The following PCDH11X variants were observed in gnomAD, a reference collection of about 807,000 sequenced individuals.
The protein encoded by PCDH11X is protocadherin 11 X-linked.
Under a neutral mutation model 53.3 loss-of-function variants are expected in PCDH11X, and 18 were observed. That is an observed-to-expected ratio of 0.34 (90% CI 0.23 to 0.50). The LOEUF is 0.50. PCDH11X is among the 20% of genes least tolerant of loss of function. The pLI is 0.98. For missense variants in PCDH11X, 570 were observed against 1,032.4 expected, an observed-to-expected ratio of 0.55 and a Z score of 6.14; for synonymous variants, 279 against 393.3, an observed-to-expected ratio of 0.71 and a Z score of 3.44.
intron 6 of PCDH11X, among the ~76,000 whole-genome samples, chrX:92,193,000 A>G (rs1234726904): frequency 8.9e-6 from 1 of 111,915 alleles, no homozygotes; most frequent in Non-Finnish European, 1.9e-5. Context: ...CTGCCTCCCA[A>G]AGTGCTGAGA....
chrX:91,806,727 C>T (rs1447228669), intron 1 of PCDH11X, among the ~76,000 whole-genome samples: 1 of 111,897 alleles, frequency 8.9e-6, no homozygotes, highest in Non-Finnish European at 1.9e-5. Context: ...GGAAAAACAA[C>T]AAAAAAATCT....
intron 9 of PCDH11X, among the ~76,000 whole-genome samples, chrX:92,409,323 A>G (rs1033782051): frequency 8.9e-6 from 1 of 112,363 alleles, no homozygotes; most frequent in Non-Finnish European, 1.9e-5. Context: ...TCACATAGAC[A>G]TAATCATACC....
chrX:92,422,484 G>A (rs1462503368), intron 9 of PCDH11X, among the ~76,000 whole-genome samples: 1 of 109,713 alleles, frequency 9.1e-6, no homozygotes, highest in African/African-American at 3.3e-5. Flanking sequence ...CTGCAAATGT[G>A]ATTATATCAT....
At chrX:92,181,017 G>A (rs1190724008) in intron 6 of PCDH11X, among the ~76,000 whole-genome samples, 1 of 111,510 alleles carries the variant, frequency 9.0e-6, no homozygotes, top group Non-Finnish European at 1.9e-5. Context: ...ATCAGGCAGA[G>A]GTTGGAAGAG....
chrX:91,908,772 T>A (rs1941276286), intron 6 of PCDH11X, among the ~76,000 whole-genome samples: 1 of 101,673 alleles, frequency 9.8e-6, no homozygotes, highest in Non-Finnish European at 2.0e-5. Flanking sequence ...GCCATTGAAC[T>A]CCAGCCTGGG....
chrX:91,929,284 C>G (rs1004736738), intron 6 of PCDH11X, among the ~76,000 whole-genome samples: 4 of 110,659 alleles, frequency 3.6e-5, no homozygotes, highest in Non-Finnish European at 7.6e-5. Flanking sequence ...TATTTACAGT[C>G]TACCTGACAG....
At chrX:92,010,586 TG>T (rs1331123594) in intron 6 of PCDH11X, among the ~76,000 whole-genome samples, 1 of 111,246 alleles carries the variant, frequency 9.0e-6, no homozygotes, top group Non-Finnish European at 1.9e-5. Flanking sequence ...CAGTTTTCCA[TG>T]TGTACAGAAC....
intron 6 of PCDH11X, among the ~76,000 whole-genome samples, chrX:91,907,410 C>CAGAGAGAGAG (rs1302662059): frequency 3.0e-3 from 168 of 56,168 alleles, no homozygotes; most frequent in East Asian, 0.024. Context: ...CACACACACA[C>CAGAGAGAGAG]ACAGAGAGAG....
At chrX:91,963,226 T>G (rs1311296082) in intron 6 of PCDH11X, among the ~76,000 whole-genome samples, 2 of 111,260 alleles carry the variant, frequency 1.8e-5, no homozygotes, top group South Asian at 7.6e-4. Context: ...CTTTTCAACA[T>G]AAGTTCCAAT....
intron 10 of PCDH11X, among the ~76,000 whole-genome samples, chrX:92,547,302 G>C (rs1354885513): frequency 9.9e-6 from 1 of 101,244 alleles, no homozygotes; most frequent in African/African-American, 3.6e-5. Context: ...TAAAAGATAA[G>C]AGATTAGTAG....
chrX:91,937,008 TA>T (rs1407815569), intron 6 of PCDH11X, among the ~76,000 whole-genome samples: 4 of 110,114 alleles, frequency 3.6e-5, no homozygotes, highest in African/African-American at 1.3e-4. Context: ...TAATCACCTT[TA>T]AGATTCTGGA....
chrX:92,364,160 T>A (rs1400235244), intron 8 of PCDH11X, among the ~76,000 whole-genome samples: 1 of 111,956 alleles, frequency 8.9e-6, no homozygotes, highest in Admixed American at 9.5e-5. Context: ...TTTCCTCATA[T>A]AATAGTCATG....
chrX:92,622,982 T>C lies in PCDH11X; in HGVS notation c.*4042T>C, dbSNP rs1295209528. The C allele has an allele frequency of 9.0e-6, 1 of 110,680 alleles. No individual in the cohort carries two copies. The highest frequency in any genetic ancestry group is 1.9e-5 in the Non-Finnish European group (1 of 52,671). The allele number at this position is 110,680 out of a possible 1,213,427, so 9.1% of individuals were successfully genotyped here. A position where few individuals can be genotyped will look rare whatever the true frequency, so the allele number is the denominator to read the frequency against. On this transcript the variant is annotated 3_prime_UTR_variant, in exon 11 of 11. Transcript: ENST00000682573. The stretch of plus-strand genomic sequence containing the variant: ...CTATCCCTGCTTAAAATATTAAGAT[T>C]TTTATGAAATATGTATTTATGTTTG...
intron 6 of PCDH11X, among the ~76,000 whole-genome samples, chrX:91,903,656 C>CGTGTGT (rs61017416): frequency 0.13 from 12,304 of 93,770 alleles, 671 homozygotes; most frequent in South Asian, 0.26. Flanking sequence ...CCTCTATGTG[C>CGTGTGT]GTGTGTGTGT....
chrX:92,468,308 C>T lies in PCDH11X; in HGVS notation c.3353C>T (p.Pro1118Leu), dbSNP rs1361087678. The T allele has an allele frequency of 1.7e-6, 2 of 1,158,750 alleles. No individual in the cohort carries two copies. Among genetic ancestry groups the T allele is most frequent in the Non-Finnish European group, 2.3e-6 (2 of 867,338 alleles). Reference protein sequence around the residue: ...GNSDPESTFIPGLKKAAEITV... With the variant: ...GNSDPESTFILGLKKAAEITV... ...TAAAATTTCTTTTTAGCTTTCATAC[C>T]TGGACTAAAGAAAGGTACAGTAGAA... is the stretch of plus-strand genomic sequence containing the variant. Residue 1118 changes from proline to leucine, a missense_variant, in exon 10 of 11, where the codon CCT becomes CTT. Physicochemically the swap from Pro to Leu is moderately conservative, Grantham distance 98. Transcript: ENST00000682573.
chrX:92,194,858 A>G (rs1267101584), intron 6 of PCDH11X, among the ~76,000 whole-genome samples: 1 of 111,268 alleles, frequency 9.0e-6, no homozygotes, highest in Non-Finnish European at 1.9e-5. Context: ...TGTCCAGATA[A>G]TCTGTGTGAA....
chrX:92,175,361 T>C (rs2065889080), intron 6 of PCDH11X, among the ~76,000 whole-genome samples: 1 of 111,427 alleles, frequency 9.0e-6, no homozygotes, highest in Admixed American at 9.6e-5. Context: ...TCCATGAAAA[T>C]CTGCCACAGC....
intron 10 of PCDH11X, among the ~76,000 whole-genome samples, chrX:92,483,942 T>C (rs1296350409): frequency 9.3e-6 from 1 of 107,973 alleles, no homozygotes; most frequent in Non-Finnish European, 1.9e-5. Context: ...GCAATCCCAC[T>C]ACTGGGTATC....
intron 8 of PCDH11X, among the ~76,000 whole-genome samples, chrX:92,369,502 C>G (rs1313788525): frequency 3.6e-5 from 4 of 110,960 alleles, no homozygotes; most frequent in Non-Finnish European, 7.5e-5. Flanking sequence ...GGCTTCAGCT[C>G]CCTTTCCAGG....
Sources: gnomAD v4.1 joint callset for allele counts (sites outside exome capture counted in the v4.1 genomes callset) on GRCh38, gnomAD v4.1.1 for gene constraint, MANE v1.5 for transcripts, NCBI Gene and HGNC (gene_info 2026-07-23, HGNC 2026-07-21) for gene names.